The following JAK1 variants were observed in gnomAD, a reference collection of about 807,000 sequenced individuals.
JAK1 encodes Janus kinase 1.
Under a neutral mutation model 136.6 loss-of-function variants are expected in JAK1, and 16 were observed. That is an observed-to-expected ratio of 0.12 (90% confidence interval 0.08 to 0.18). JAK1 has a LOEUF of 0.18. JAK1 is among the 10% of genes least tolerant of loss of function. The pLI is 1.00. For synonymous variants in JAK1, 492 were observed against 519.5 expected (o/e 0.95, Z 0.72); for missense variants, 859 against 1,450.1 (o/e 0.59, Z 6.62).
rs78996268 is a variant in JAK1, at chr1:64,924,221, C to T, written c.-77-37880G>A. On this transcript the variant is annotated intron_variant, in intron 1 of 24. Coordinates refer to ENST00000342505, the MANE Select transcript of JAK1 (RefSeq NM_002227.4). ...TAGTGTAGTATCTTATATAGTATATCGTATCAATTTACAAAGTAGTGGCAT... is the reference window on the plus strand; with the variant it reads ...TAGTGTAGTATCTTATATAGTATATTGTATCAATTTACAAAGTAGTGGCAT... Among the ~76,000 whole-genome samples, 18 of 152,144 alleles carry T rather than the reference C, an allele frequency of 1.2e-4. No individual in the cohort carries two copies. The East Asian group carries it at 3.3e-3, about 28-fold the overall frequency.
chr1:64,971,078 A>T (rs1270733462), upstream of JAK1, among the ~76,000 whole-genome samples: 1 of 152,238 alleles, frequency 6.6e-6, no homozygotes, highest in Non-Finnish European at 1.5e-5. Flanking sequence ...TTTTTCAACA[A>T]CACTAAACTA....
chr1:64,915,856 G>A (rs551484647), intron 1 of JAK1, among the ~76,000 whole-genome samples: 142 of 152,232 alleles, frequency 9.3e-4, no homozygotes, highest in Non-Finnish European at 1.7e-3. Context: ...GCAGAAAGAC[G>A]GCATCTGCAC....
intron 1 of JAK1, among the ~76,000 whole-genome samples, chr1:64,908,026 T>A (rs1459483421): frequency 1.3e-5 from 2 of 152,056 alleles, no homozygotes; most frequent in Non-Finnish European, 2.9e-5. Flanking sequence ...GTACCATCTG[T>A]CCAAAAATGA....
In JAK1 at chr1:64,876,380, C is replaced by T. The variant is rs901524877; in HGVS notation, c.329+2645G>A. ...CAGGCTGCTGAGAGCCCTGTGGGAC[C>T]ATCTTTGTCTTGGAAGCCTTTAGGT... On this transcript the variant is annotated intron_variant, in intron 4 of 24. Coordinates refer to ENST00000342505, the MANE Select transcript of JAK1 (RefSeq NM_002227.4). 60 of 152,334 alleles carry T rather than the reference C, an allele frequency of 3.9e-4. 1 individual carries two copies. Among genetic ancestry groups the T allele is most frequent in the African/African-American group, 1.4e-3 (58 of 41,556 alleles). 9.4% of individuals were successfully genotyped at this position (152,334 alleles called of 1,614,324 possible).
intron 3 of JAK1, among the ~76,000 whole-genome samples, chr1:64,882,141 A>C (rs1460081244): frequency 2.0e-5 from 3 of 152,186 alleles, no homozygotes; most frequent in Non-Finnish European, 4.4e-5. Context: ...AGGTTTAGTC[A>C]GTAAGAGCCT....
chr1:64,929,718 T>C (rs892379032), intron 1 of JAK1, among the ~76,000 whole-genome samples: 2 of 152,138 alleles, frequency 1.3e-5, no homozygotes, highest in Admixed American at 6.5e-5. Context: ...AGTCTGAACT[T>C]ATAAGATTAA....
intron 2 of JAK1, among the ~76,000 whole-genome samples, chr1:64,977,223 C>T (rs1646504396): frequency 6.6e-6 from 1 of 152,120 alleles, no homozygotes; most frequent in South Asian, 2.1e-4. Context: ...AACCACAGCT[C>T]ACTCCAGCCT....
intron 1 of JAK1, among the ~76,000 whole-genome samples, chr1:65,046,608 G>A (rs1484088129): frequency 1.3e-5 from 2 of 152,148 alleles, no homozygotes; most frequent in Non-Finnish European, 2.9e-5. Context: ...CAGGCCATTT[G>A]GTTGAAGGAG....
chr1:65,031,378 G>A (rs1286632412), intron 2 of JAK1, among the ~76,000 whole-genome samples: 9 of 152,034 alleles, frequency 5.9e-5, no homozygotes, highest in Admixed American at 4.6e-4. Flanking sequence ...AATACTTGTA[G>A]GAGTTATTTT....
chr1:64,928,784 A>AC (rs1387438574), intron 1 of JAK1, among the ~76,000 whole-genome samples: 1,587 of 121,964 alleles, frequency 0.013, 37 homozygotes, highest in African/African-American at 0.06. Flanking sequence ...TCTGCAAAAA[A>AC]AAAAAAAAAA....
At chr1:64,985,964 G>T in intron 2 of JAK1, 1 of 1,145,830 alleles carries the variant, frequency 8.7e-7, no homozygotes, top group South Asian at 1.2e-5. Flanking sequence ...CCTTCAAAGT[G>T]TTGATAAATT....
chr1:64,930,171 G>A (rs1236457308), intron 1 of JAK1, among the ~76,000 whole-genome samples: 1 of 152,136 alleles, frequency 6.6e-6, no homozygotes, highest in Non-Finnish European at 1.5e-5. Context: ...TTAAACTAAA[G>A]AGCTTCTGCA....
At position 64,910,790 on chromosome 1, in the gene JAK1, G is replaced by A. The variant is rs563757066; in HGVS notation, c.-77-24449C>T. Among the ~76,000 whole-genome samples the A allele has an allele frequency of 7.4e-5, 11 of 148,260 alleles. No individual in the cohort carries two copies. In the East Asian group the frequency reaches 2.3e-3, roughly 30 times the overall value. On this transcript the variant is annotated intron_variant, in intron 1 of 24. Coordinates refer to ENST00000342505, the MANE Select transcript of JAK1 (RefSeq NM_002227.4). ...ACCTGGGAGGCAGAGGTTGCACTGA[G>A]TCGAGATTGCGCCACTGCACTCCAG... is the stretch of plus-strand genomic sequence containing the variant.
At chr1:65,004,547 C>T (rs532667838) in intron 2 of JAK1, among the ~76,000 whole-genome samples, 1 of 152,186 alleles carries the variant, frequency 6.6e-6, no homozygotes, top group Non-Finnish European at 1.5e-5. Context: ...GACAATCTTG[C>T]AAATAGCTAG....
intron 2 of JAK1, among the ~76,000 whole-genome samples, chr1:64,999,703 C>T (rs1646735448): frequency 6.6e-6 from 1 of 150,826 alleles, no homozygotes; most frequent in African/African-American, 2.5e-5. Flanking sequence ...CCATTGCACT[C>T]CAGCCTGGGC....
intron 1 of JAK1, among the ~76,000 whole-genome samples, chr1:64,908,739 TAC>T (rs3050464): frequency 0.78 from 117,014 of 150,504 alleles, 46,708 homozygotes; most frequent in Non-Finnish European, 0.88. Context: ...ATGGCAAACA[TAC>T]ACACACACAC....
chr1:65,011,806 A>G (rs979220474), intron 2 of JAK1, among the ~76,000 whole-genome samples: 2 of 152,196 alleles, frequency 1.3e-5, no homozygotes, highest in African/African-American at 4.8e-5. Flanking sequence ...AAAACTAGGT[A>G]ATGAAAAGTT....
chr1:64,929,875 C>T (rs936890039), intron 1 of JAK1, among the ~76,000 whole-genome samples: 2 of 152,132 alleles, frequency 1.3e-5, no homozygotes, highest in Non-Finnish European at 2.9e-5. Flanking sequence ...AGAAATAACA[C>T]CACACATCTA....
intron 2 of JAK1, among the ~76,000 whole-genome samples, chr1:65,010,729 C>T (rs985194416): frequency 1.3e-5 from 2 of 152,108 alleles, no homozygotes; most frequent in African/African-American, 2.4e-5. Context: ...ACCTGTAATC[C>T]GAACATTCTG....
Sources: allele counts gnomAD v4.1 joint callset (sites outside exome capture counted in the v4.1 genomes callset), GRCh38; gene constraint gnomAD v4.1.1; transcripts MANE v1.5; gene names NCBI Gene and HGNC (gene_info 2026-07-23, HGNC 2026-07-21).